The following GPHN variants were observed in gnomAD, a reference collection of about 807,000 sequenced individuals.
The protein encoded by GPHN is gephyrin.
GPHN carries 17 observed loss-of-function variants against 95.5 expected under a neutral mutation model. The ratio of observed to expected loss-of-function variants is 0.18; its 90% CI spans 0.12 to 0.27. The LOEUF is 0.27. Ranked by LOEUF, GPHN falls within the 10% of genes least tolerant of loss-of-function variation. GPHN has a pLI of 1.00. For missense variants in GPHN, 660 were observed against 978.1 expected, an observed-to-expected ratio of 0.67 and a Z score of 4.34; for synonymous variants, 320 against 322.5, an observed-to-expected ratio of 0.99 and a Z score of 0.08.
chr14:67,619,831 G>A, the GPHN span: 1 of 573,986 alleles, frequency 1.7e-6, no homozygotes, highest in Non-Finnish European at 3.0e-6. Flanking sequence ...GGTTGGAGGC[G>A]CGGGCGGCGG....
intron 1 of GPHN, among the ~76,000 whole-genome samples, chr14:66,632,034 T>C (rs941125905): frequency 2.0e-5 from 3 of 152,220 alleles, no homozygotes; most frequent in African/African-American, 7.2e-5. Flanking sequence ...TTATTATTTT[T>C]CTGGTCAATA....
At chr14:66,815,934 A>G (rs1304190595) in intron 3 of GPHN, among the ~76,000 whole-genome samples, 1 of 152,168 alleles carries the variant, frequency 6.6e-6, no homozygotes, top group African/African-American at 2.4e-5. Context: ...ACAATGGCAT[A>G]CACTGGTTCA....
At chr14:67,580,993 AG>A in the GPHN span, 1 of 1,613,632 alleles carries the variant, frequency 6.2e-7, no homozygotes, top group Non-Finnish European at 8.5e-7. Flanking sequence ...CACCCCGGAA[AG>A]TCTGAGGGTG....
rs150157129 is a variant in GPHN, at chr14:66,646,938, C to T, written c.65-34169C>T. 7.7e-3 allele frequency among the ~76,000 whole-genome samples: 1,165 copies of T among 152,088 alleles called. 5 individuals carry two copies. Among genetic ancestry groups the T allele is most frequent in the South Asian group, 0.021 (100 of 4,812 alleles). ...CAGTGACACGGTCTCACTCTGTCAC[C>T]CAGGCTGGAGTGCAATGGCTCTATC... On this transcript the variant is annotated intron_variant, in intron 1 of 22. Transcript: ENST00000478722.
chr14:66,605,052 T>C (rs897964955), intron 1 of GPHN, among the ~76,000 whole-genome samples: 2 of 152,192 alleles, frequency 1.3e-5, no homozygotes, highest in African/African-American at 4.8e-5. Context: ...TATGGCTGCG[T>C]AGTATTCCAT....
chr14:66,906,020 A>AT (rs1166454154), intron 5 of GPHN, among the ~76,000 whole-genome samples: 3 of 128,676 alleles, frequency 2.3e-5, no homozygotes, highest in Non-Finnish European at 3.3e-5. Flanking sequence ...CCACTTCCCC[A>AT]TTTTCAGTCC....
At chr14:67,573,642 T>C in the GPHN span, among the ~76,000 whole-genome samples, 1 of 152,238 alleles carries the variant, frequency 6.6e-6, no homozygotes, top group Non-Finnish European at 1.5e-5. This position sits in a 1 kb window ranked among gnomAD's most constrained non-coding sequence, Gnocchi z 4.8. Context: ...CATTTAGCTA[T>C]AACCAGAATC....
At chr14:67,083,880 T>C (rs563983218) in intron 11 of GPHN, among the ~76,000 whole-genome samples, 1 of 152,342 alleles carries the variant, frequency 6.6e-6, no homozygotes, top group African/African-American at 2.4e-5. Flanking sequence ...TTATATCCTC[T>C]TTGATCGAAG....
At chr14:67,169,417 G>A (rs1382665015) in intron 21 of GPHN, among the ~76,000 whole-genome samples, 1 of 152,156 alleles carries the variant, frequency 6.6e-6, no homozygotes. Flanking sequence ...CAATTAACCT[G>A]CTCACTTTTT....
intron 3 of GPHN, among the ~76,000 whole-genome samples, chr14:66,800,352 C>T (rs1049132786): frequency 2.0e-5 from 3 of 152,158 alleles, no homozygotes; most frequent in East Asian, 1.9e-4. Context: ...CGAAGTACTT[C>T]GTTTAGCGTG....
At position 67,120,793 on chromosome 14, in the gene GPHN, T is replaced by C. The variant is rs190208444; in HGVS notation, c.1627-1463T>C. ...ATTGCAGTAGCAATTTTCCAAGTAC[T>C]GCCAGGGAGTAAGAATGAAAGTGGG... is the stretch of plus-strand genomic sequence containing the variant. On this transcript the variant is annotated intron_variant, in intron 16 of 22. Coordinates refer to ENST00000478722, the MANE Select transcript of GPHN (RefSeq NM_020806.5). Among the ~76,000 whole-genome samples the C allele has an allele frequency of 9.8e-5, 15 of 152,322 alleles. No individual in the cohort carries two copies. The East Asian group carries it at 2.9e-3, about 29-fold the overall frequency.
At chr14:67,110,096 C>T in intron 13 of GPHN, 44 bp from the exon 14 acceptor site, 1 of 1,591,174 alleles carries the variant, frequency 6.3e-7, no homozygotes, top group Non-Finnish European at 8.6e-7. Context: ...TTTTCCTTTG[C>T]AGCAGCAAAG....
intron 5 of GPHN, among the ~76,000 whole-genome samples, chr14:66,900,287 A>G (rs779219999): frequency 6.6e-6 from 1 of 150,852 alleles, no homozygotes; most frequent in Non-Finnish European, 1.5e-5. Flanking sequence ...TTTGGGGTTC[A>G]TTTTGCTCTT....
intron 1 of GPHN, among the ~76,000 whole-genome samples, chr14:66,541,077 A>G (rs910918271): frequency 6.6e-6 from 1 of 152,086 alleles, no homozygotes; most frequent in Admixed American, 6.6e-5. Context: ...CCTCCTGAGT[A>G]GCTGGAATTA....
At chr14:66,949,259 A>G (rs2153577745) in intron 8 of GPHN, among the ~76,000 whole-genome samples, 1 of 152,086 alleles carries the variant, frequency 6.6e-6, no homozygotes, top group East Asian at 1.9e-4. Flanking sequence ...TGATTTTTGT[A>G]TTTTTAGTAG....
chr14:67,667,953 AAAAC>A, the GPHN span, among the ~76,000 whole-genome samples: 10 of 152,166 alleles, frequency 6.6e-5, no homozygotes, highest in South Asian at 1.7e-3. Context: ...CAAAAAACAA[AAAAC>A]AAACAAACAA....
chr14:67,341,137 C>T, the GPHN span, among the ~76,000 whole-genome samples: 2 of 152,086 alleles, frequency 1.3e-5, no homozygotes, highest in Non-Finnish European at 1.5e-5. Flanking sequence ...GGCCGCCCAT[C>T]GTCTGGGATG....
intron 2 of GPHN, among the ~76,000 whole-genome samples, chr14:66,772,311 C>T (rs1310140128): frequency 6.6e-6 from 1 of 152,180 alleles, no homozygotes; most frequent in Non-Finnish European, 1.5e-5. Context: ...GCCACAGTCC[C>T]ATCTGATTAC....
chr14:66,942,194 T>C (rs2067466958), intron 8 of GPHN, among the ~76,000 whole-genome samples: 1 of 152,188 alleles, frequency 6.6e-6, no homozygotes, highest in Non-Finnish European at 1.5e-5. Context: ...GTATTTTTAG[T>C]AGAGACAGTG....
Sources: allele counts gnomAD v4.1 joint callset (sites outside exome capture counted in the v4.1 genomes callset), GRCh38; gene constraint gnomAD v4.1.1; non-coding constraint Gnocchi (gnomAD v3.1); transcripts MANE v1.5; gene names NCBI Gene and HGNC (gene_info 2026-07-23, HGNC 2026-07-21).